The following ZFAND3 variants were observed in gnomAD, a reference collection of about 807,000 sequenced individuals.
ZFAND3 encodes AN1-type zinc finger protein 3.
A neutral mutation model predicts 29.6 loss-of-function variants in ZFAND3; 10 were observed. The ratio of observed to expected loss-of-function variants is 0.34; its 90% CI spans 0.21 to 0.57. The LOEUF (loss-of-function observed/expected upper bound fraction) is 0.57, where lower values mean the gene tolerates loss of function less well. ZFAND3 is among the 20% of genes least tolerant of loss of function. ZFAND3 has a pLI of 0.86. For missense variants in ZFAND3, 230 were observed against 304.5 expected, an observed-to-expected ratio of 0.76 and a Z score of 1.82; for synonymous variants, 128 against 112.6, an observed-to-expected ratio of 1.14 and a Z score of -0.87.
chr6:37,908,443 C>T (rs373674186), intron 1 of ZFAND3, among the ~76,000 whole-genome samples: 6 of 150,920 alleles, frequency 4.0e-5, no homozygotes, highest in South Asian at 4.2e-4. Flanking sequence ...CATGCTGGTG[C>T]GCTGCACCCA....
At chr6:38,092,194 A>C (rs1764887610) in intron 4 of ZFAND3, among the ~76,000 whole-genome samples, 1 of 152,206 alleles carries the variant, frequency 6.6e-6, no homozygotes, top group Non-Finnish European at 1.5e-5. Flanking sequence ...GTTACAGATC[A>C]CACCCTCAGA....
intron 2 of ZFAND3, among the ~76,000 whole-genome samples, chr6:38,058,289 T>C (rs1269226798): frequency 2.0e-5 from 3 of 152,192 alleles, no homozygotes; most frequent in Non-Finnish European, 4.4e-5. Flanking sequence ...CAGGATCATA[T>C]AACATTTCCA....
intron 2 of ZFAND3, among the ~76,000 whole-genome samples, chr6:38,031,519 G>GT (rs1440919790): frequency 6.6e-6 from 1 of 152,142 alleles, no homozygotes; most frequent in African/African-American, 2.4e-5. Flanking sequence ...GCCTGTCTCA[G>GT]TTATGGCATC....
At chr6:37,904,152 T>C (rs1051600113) in intron 1 of ZFAND3, among the ~76,000 whole-genome samples, 8 of 152,172 alleles carry the variant, frequency 5.3e-5, no homozygotes, top group Non-Finnish European at 1.2e-4. Context: ...AGTTGCTAAA[T>C]AGAATAAACC....
At chr6:37,821,769 A>C (rs1459784639) in intron 1 of ZFAND3, among the ~76,000 whole-genome samples, 3 of 152,226 alleles carry the variant, frequency 2.0e-5, no homozygotes, top group Non-Finnish European at 2.9e-5. Context: ...CCATGAATGG[A>C]ATCTTTATCG....
chr6:37,944,479 G>A (rs1239102357), intron 2 of ZFAND3, among the ~76,000 whole-genome samples: 1 of 152,038 alleles, frequency 6.6e-6, no homozygotes, highest in South Asian at 2.1e-4. Flanking sequence ...TCCCTACATG[G>A]CCCTACAAGA....
chr6:37,916,960 G>GT (rs1761271014), intron 1 of ZFAND3, among the ~76,000 whole-genome samples: 1 of 152,150 alleles, frequency 6.6e-6, no homozygotes, highest in African/African-American at 2.4e-5. Context: ...GACTGTCATG[G>GT]TATCTGTCAT....
chr6:38,113,340 T>C (rs960680349), intron 4 of ZFAND3, among the ~76,000 whole-genome samples: 2 of 152,144 alleles, frequency 1.3e-5, no homozygotes, highest in Non-Finnish European at 2.9e-5. Flanking sequence ...GGATGATCAG[T>C]ATATCATACC....
intron 1 of ZFAND3, among the ~76,000 whole-genome samples, chr6:37,890,572 T>C (rs868426480): frequency 6.6e-6 from 1 of 151,974 alleles, no homozygotes; most frequent in Non-Finnish European, 1.5e-5. Context: ...CTAAACAATT[T>C]CACAAATATA....
intron 2 of ZFAND3, among the ~76,000 whole-genome samples, chr6:37,957,616 A>G (rs558189318): frequency 3.9e-5 from 6 of 152,200 alleles, no homozygotes; most frequent in Non-Finnish European, 7.3e-5. Flanking sequence ...TCTTGAAACT[A>G]GAAGCTGGTA....
chr6:38,063,461 C>T (rs1275302032), intron 3 of ZFAND3, among the ~76,000 whole-genome samples: 3 of 152,116 alleles, frequency 2.0e-5, no homozygotes, highest in African/African-American at 4.8e-5. Flanking sequence ...ATTCAGCTCA[C>T]GATACCAGTA....
intron 2 of ZFAND3, among the ~76,000 whole-genome samples, chr6:37,963,949 A>T (rs921746237): frequency 3.9e-5 from 6 of 152,104 alleles, no homozygotes; most frequent in Admixed American, 1.3e-4. Context: ...TATTTTACAA[A>T]TCCTACTTTT....
intron 1 of ZFAND3, among the ~76,000 whole-genome samples, chr6:37,820,401 G>T (rs1218039601): frequency 1.3e-5 from 2 of 152,232 alleles, no homozygotes; most frequent in Non-Finnish European, 2.9e-5. Context: ...CTCCCGGGGC[G>T]TGAGTTGGTG....
intron 1 of ZFAND3, among the ~76,000 whole-genome samples, chr6:37,843,497 A>G (rs1764117976): frequency 6.6e-6 from 1 of 152,102 alleles, no homozygotes; most frequent in Admixed American, 6.5e-5. Flanking sequence ...AAAAAAAAAA[A>G]AAAATGTGTT....
intron 4 of ZFAND3, among the ~76,000 whole-genome samples, chr6:38,106,317 T>G (rs1239022340): frequency 1.3e-5 from 2 of 152,054 alleles, no homozygotes. Context: ...CACGCCCGGT[T>G]AACTTTGTAT....
chr6:37,987,148 CATT>C (rs1464749838), intron 2 of ZFAND3, among the ~76,000 whole-genome samples: 2 of 152,070 alleles, frequency 1.3e-5, no homozygotes, highest in Non-Finnish European at 2.9e-5. Flanking sequence ...TTCTAGAAAA[CATT>C]ATAAACTCAG....
At chr6:38,017,329 A>G (rs964091092) in intron 2 of ZFAND3, among the ~76,000 whole-genome samples, 3 of 152,218 alleles carry the variant, frequency 2.0e-5, no homozygotes, top group Non-Finnish European at 2.9e-5. Context: ...CATGTGAGGA[A>G]GTTGGGCAGG....
At chr6:38,071,293 C>A (rs1406929768) in intron 3 of ZFAND3, among the ~76,000 whole-genome samples, 2 of 152,058 alleles carry the variant, frequency 1.3e-5, no homozygotes, top group South Asian at 4.1e-4. Context: ...CTGTCTGAAT[C>A]GTAGAGTTAT....
At chr6:37,842,115 A>G (rs1165441211) in intron 1 of ZFAND3, among the ~76,000 whole-genome samples, 2 of 152,110 alleles carry the variant, frequency 1.3e-5, no homozygotes, top group Non-Finnish European at 2.9e-5. Flanking sequence ...ATGCCTTAAT[A>G]ACTTAGTTAC....
Sources: allele counts gnomAD v4.1 joint callset (sites outside exome capture counted in the v4.1 genomes callset), GRCh38; gene constraint gnomAD v4.1.1; transcripts MANE v1.5; gene names NCBI Gene and HGNC (gene_info 2026-07-23, HGNC 2026-07-21).